The following ARHGEF12 variants were observed in gnomAD, a reference collection of about 807,000 sequenced individuals.
ARHGEF12 encodes the protein KMT2A/ARHGEF12 fusion protein.
Under a neutral mutation model 211.2 loss-of-function variants are expected in ARHGEF12, and 66 were observed. That is an observed-to-expected ratio of 0.31 (90% CI 0.26 to 0.38). ARHGEF12 has a LOEUF of 0.38. ARHGEF12 is among the 10% of genes least tolerant of loss of function. The probability of loss-of-function intolerance (pLI) is 1.00; values close to 1 mark genes in which losing one functional copy is unlikely to be tolerated. For missense variants in ARHGEF12, 1,429 were observed against 1,869.5 expected, an observed-to-expected ratio of 0.76 and a Z score of 4.34; for synonymous variants, 592 against 638.4, an observed-to-expected ratio of 0.93 and a Z score of 1.09.
Position 120,357,503 on chromosome 11 carries a change from C to T in ARHGEF12, c.32+20228C>T, listed in dbSNP as rs758328372. 3.3e-4 allele frequency among the ~76,000 whole-genome samples: 51 copies of T among 152,272 alleles called. 1 individual carries two copies. Among genetic ancestry groups the T allele is most frequent in the South Asian group, 2.5e-3 (12 of 4,830 alleles). ...TTCATAGAGGAGATGAATATATTTG[C>T]TGAATCCTGGAATGTGGGATGTAGT... is the stretch of plus-strand genomic sequence containing the variant. On this transcript the variant is annotated intron_variant, in intron 1 of 40. Transcript: ENST00000397843.
intron 1 of ARHGEF12, among the ~76,000 whole-genome samples, chr11:120,350,331 C>T (rs1378701488): frequency 3.9e-5 from 6 of 151,990 alleles, no homozygotes; most frequent in African/African-American, 1.2e-4. Flanking sequence ...CTGGCTAACA[C>T]GGTGAAACCC....
chr11:120,406,745 A>G (rs1944716726), intron 2 of ARHGEF12, among the ~76,000 whole-genome samples: 1 of 152,046 alleles, frequency 6.6e-6, no homozygotes, highest in Admixed American at 6.6e-5. Flanking sequence ...TTTTTAGTAG[A>G]GACGGAGTTT....
At chr11:120,361,356 A>G (rs1327228613) in intron 1 of ARHGEF12, among the ~76,000 whole-genome samples, 1 of 152,216 alleles carries the variant, frequency 6.6e-6, no homozygotes, top group African/African-American at 2.4e-5. Context: ...AAGAGAATCT[A>G]ATGCCCGATG....
chr11:120,480,569 T>C (rs561901164), intron 38 of ARHGEF12, 139 bp downstream of exon 38: 1 of 864,800 alleles, frequency 1.2e-6, no homozygotes, highest in African/African-American at 1.7e-5. Flanking sequence ...TATTCCTTCA[T>C]TTGATAAATA....
chr11:120,383,538 A>G (rs537523340), intron 1 of ARHGEF12, among the ~76,000 whole-genome samples: 66 of 152,248 alleles, frequency 4.3e-4, no homozygotes, highest in African/African-American at 1.5e-3. Flanking sequence ...GGAAACAATG[A>G]CAGATCATCA....
rs2305012 is a variant in ARHGEF12 at position 120,469,228 on chromosome 11, A to G, written c.2855-60A>G. 132 of 1,261,652 alleles carry G rather than the reference A, an allele frequency of 1.0e-4. 1 individual carries two copies. The East Asian group carries it at 2.8e-3, about 27-fold the overall frequency. 78.2% of individuals were successfully genotyped at this position (1,261,652 alleles called of 1,614,324 possible). A position where few individuals can be genotyped will look rare whatever the true frequency, so the allele number is the denominator to read the frequency against. On this transcript the variant is annotated intron_variant, in intron 29 of 40. Transcript: ENST00000397843. ...TGAAATGAAATGAAATCTCATTTAC[A>G]TATATTTTATGGTTTTTTGCTCAGT...
rs903670954 is a variant in ARHGEF12, at chr11:120,445,925, G to A, written c.1345+461G>A. ...AAAAAAAATAATAATATGGCTGGGC[G>A]CAGTGGCTCACGCCTGTAGTACTCC... On this transcript the variant is annotated intron_variant, in intron 16 of 40. Transcript: ENST00000397843. Among the ~76,000 whole-genome samples the A allele has an allele frequency of 1.2e-4, 18 of 151,488 alleles. 1 individual carries two copies. Among genetic ancestry groups the A allele is most frequent in the Admixed American group, 2.0e-4 (3 of 15,204 alleles).
chr11:120,456,433 A>G (rs1408724726), intron 22 of ARHGEF12, among the ~76,000 whole-genome samples: 1 of 152,190 alleles, frequency 6.6e-6, no homozygotes, highest in Non-Finnish European at 1.5e-5. Flanking sequence ...TTGGGAAGAA[A>G]TGGTAGAAAA....
Position 120,447,033 on chromosome 11 carries a change from G to A in ARHGEF12, c.1537G>A (p.Glu513Lys). ...GCGAGACAAGGACCGATTGACTTTG[G>A]AGAAGGAGCGGACATGTGCAGAACA... ...AERDKDRLTLEKERTCAEQIV... is the reference protein window; with the variant it reads ...AERDKDRLTLKKERTCAEQIV... The change falls in exon 18 of 41, where the codon GAG becomes AAG. Residue 513 changes from glutamate (E) to lysine (K), a missense_variant. Coordinates refer to ENST00000397843, the MANE Select transcript of ARHGEF12 (RefSeq NM_015313.3). 1 of 1,614,178 alleles carries A rather than the reference G, an allele frequency of 6.2e-7. No individual in the cohort carries two copies. The highest frequency in any genetic ancestry group is 1.1e-5 in the South Asian group (1 of 91,076).
intron 1 of ARHGEF12, among the ~76,000 whole-genome samples, chr11:120,389,434 G>A (rs1477914589): frequency 6.6e-6 from 1 of 152,030 alleles, no homozygotes; most frequent in African/African-American, 2.4e-5. Context: ...TTTACTTTTA[G>A]GTCTGTGATA....
At chr11:120,478,517 C>G in intron 37 of ARHGEF12, 128 bp downstream of exon 37, 2 of 896,108 alleles carry the variant, frequency 2.2e-6, no homozygotes, top group Non-Finnish European at 3.4e-6. Context: ...ATAGTATTCT[C>G]TACAGTGGCC....
At chr11:120,447,552 C>T (rs1591603921) in intron 18 of ARHGEF12, among the ~76,000 whole-genome samples, 1 of 151,386 alleles carries the variant, frequency 6.6e-6, no homozygotes, top group Admixed American at 6.6e-5. Flanking sequence ...GGCATGGTGG[C>T]GCACTCCTGT....
chr11:120,449,332 T>A, intron 21 of ARHGEF12, 118 bp downstream of exon 21: 2 of 757,070 alleles, frequency 2.6e-6, no homozygotes, highest in Non-Finnish European at 4.3e-6. Flanking sequence ...TTTACTGAAT[T>A]CCCAATATGC....
rs185951129 is a variant in ARHGEF12, at chr11:120,350,888, A to G, written c.32+13613A>G. 7.2e-5 allele frequency among the ~76,000 whole-genome samples: 11 copies of G among 152,340 alleles called. No homozygotes were observed. In the East Asian group the frequency reaches 2.1e-3, roughly 29 times the overall value. ...AAGCCTATATATACTTTGTGCATCC[A>G]GTGAAAATGTGATAAATATGATGAT... is the stretch of plus-strand genomic sequence containing the variant. On this transcript the variant is annotated intron_variant, in intron 1 of 40. Transcript: ENST00000397843.
intron 11 of ARHGEF12, among the ~76,000 whole-genome samples, chr11:120,435,465 T>C (rs1945664620): frequency 2.6e-5 from 4 of 151,902 alleles, no homozygotes; most frequent in South Asian, 2.1e-4. Flanking sequence ...TTAAGGTGTT[T>C]AGGTGATATC....
chr11:120,390,434 G>T (rs1031607128), intron 1 of ARHGEF12, among the ~76,000 whole-genome samples: 6 of 152,252 alleles, frequency 3.9e-5, no homozygotes, highest in South Asian at 2.1e-4. Flanking sequence ...TGAGTGGTTT[G>T]CAGGAATGTT....
intron 1 of ARHGEF12, among the ~76,000 whole-genome samples, chr11:120,347,268 GTC>G (rs1251235200): frequency 0.014 from 653 of 48,084 alleles, 4 homozygotes; most frequent in African/African-American, 0.046. Flanking sequence ...CTCTCTCTCT[GTC>G]TGTGTGTGTG....
At chr11:120,433,279 G>C (rs1334093741) in intron 11 of ARHGEF12, among the ~76,000 whole-genome samples, 7 of 152,212 alleles carry the variant, frequency 4.6e-5, no homozygotes, top group Non-Finnish European at 1.0e-4. Flanking sequence ...CATTTTGAGA[G>C]AGCAGTGAGA....
chr11:120,343,016 C>T (rs1170787850), intron 1 of ARHGEF12, among the ~76,000 whole-genome samples: 1 of 151,762 alleles, frequency 6.6e-6, no homozygotes, highest in Non-Finnish European at 1.5e-5. Context: ...ATTGTTTTGT[C>T]TCCTCTTATT....
Sources: allele counts gnomAD v4.1 joint callset (sites outside exome capture counted in the v4.1 genomes callset), GRCh38; gene constraint gnomAD v4.1.1; transcripts MANE v1.5; gene names NCBI Gene and HGNC (gene_info 2026-07-23, HGNC 2026-07-21).